The following PHYKPL variants were observed in gnomAD, a reference collection of about 807,000 sequenced individuals.
The protein encoded by PHYKPL is 5-phosphonooxy-L-lysine phospho-lyase.
PHYKPL carries 42 observed loss-of-function variants against 51.3 expected under a neutral mutation model. That is an observed-to-expected ratio of 0.82 (90% CI 0.64 to 1.06). The LOEUF is 1.06. Among genes scored for constraint, PHYKPL ranks in the 50% least tolerant of loss-of-function variants. The probability of loss-of-function intolerance (pLI) is 0.00; values close to 1 mark genes in which losing one functional copy is unlikely to be tolerated. For missense variants in PHYKPL, 655 were observed against 586.6 expected (o/e 1.12, Z -1.20); for synonymous variants, 264 against 236.0 (o/e 1.12, Z -1.09).
chr5:178,229,940 C>G lies in PHYKPL; in HGVS notation c.338G>C (p.Gly113Ala). 2 of 1,613,150 alleles carry G rather than the reference C, an allele frequency of 1.2e-6. No individual in the cohort carries two copies. Among genetic ancestry groups the G allele is most frequent in the Non-Finnish European group, 1.7e-6 (2 of 1,179,198 alleles). Residue 113 changes from glycine to alanine, a missense_variant and splice_region_variant, in exon 3 of 13, where the codon GGG (glycine) becomes GCG (alanine). By Grantham distance (60) the Gly-to-Ala change is moderately conservative (BLOSUM62 0). Coordinates refer to ENST00000308158, the MANE Select transcript of PHYKPL (RefSeq NM_153373.4). ...QLCVFYFLNSGSEANDLALRL... is the reference protein window; with the variant it reads ...QLCVFYFLNSASEANDLALRL... ...CGGGGGCTGGCCACAGTCCACTTAC[C>G]CAGAATTCAGGAAATAGAACACACA...
chr5:178,229,819 T>G, intron 3 of PHYKPL, 121 bp downstream of exon 3: 1 of 1,269,828 alleles, frequency 7.9e-7, no homozygotes, highest in African/African-American at 1.5e-5. Context: ...AGGAGCCTGG[T>G]GCAGTGGGGG....
chr5:178,230,302 A>C lies in PHYKPL; in HGVS notation c.179-203T>G, dbSNP rs1763123449. 7 of 589,744 alleles carry C rather than the reference A, an allele frequency of 1.2e-5. No individual in the cohort carries two copies. In the Admixed American group the frequency reaches 2.1e-4, roughly 18 times the overall value. 36.5% of individuals were successfully genotyped at this position (589,744 alleles called of 1,614,324 possible). ...CAGGAGTTCCTGAGATTCTGGCAGA[A>C]GGAAAGCCGCTTCAGCAGAAGAACC... On this transcript the variant is annotated intron_variant, in intron 2 of 12. Coordinates refer to ENST00000308158, the MANE Select transcript of PHYKPL (RefSeq NM_153373.4).
chr5:178,231,821 A>G, intron 1 of PHYKPL: 1 of 1,375,274 alleles, frequency 7.3e-7, no homozygotes, highest in South Asian at 1.2e-5. Context: ...GGATCCTGAG[A>G]AAAGGTGGCT....
At chr5:178,209,428 A>AGGT (rs776924287) in intron 12 of PHYKPL, 4 of 1,613,918 alleles carry the variant, frequency 2.5e-6, no homozygotes, top group East Asian at 2.2e-5. Flanking sequence ...GAGGCAGCGG[A>AGGT]GGTGGTGGTG....
At position 178,213,021 on chromosome 5, in the gene PHYKPL, G is replaced by C. The variant is rs909887029; in HGVS notation, c.1255C>G (p.Leu419Val). The change falls in exon 11 of 13, where the codon CTG becomes GTG. Residue 419 changes from leucine (L) to valine (V), a missense_variant. Physicochemically the swap from Leu to Val is conservative, Grantham distance 32. Coordinates refer to ENST00000308158, the MANE Select transcript of PHYKPL (RefSeq NM_153373.4). ...GCCACCACCTGCCGTGCATTGTCCA[G>C]GCTGAAGCACATTGGGGGCTTAAAC... The part of the protein sequence containing the change: ...LKFKPPMCFS[L>V]DNARQVVAKL... 2 of 1,614,082 alleles carry C rather than the reference G, an allele frequency of 1.2e-6. No individual in the cohort carries two copies. The highest frequency in any genetic ancestry group is 1.3e-5 in the African/African-American group (1 of 74,936).
rs369939923 is a variant in PHYKPL, at chr5:178,217,833, G to A, written c.928-2403C>T. ...AGATCACACCACTGCACTCCAGCCT[G>A]GGCGACAGAGCGAGACTCCGTCTCA... On this transcript the variant is annotated intron_variant, in intron 8 of 12. Transcript: ENST00000308158. Among the ~76,000 whole-genome samples, 3 of 150,392 alleles carry A rather than the reference G, an allele frequency of 2.0e-5. No individual in the cohort carries two copies. The East Asian group carries it at 6.0e-4, about 30-fold the overall frequency.
At chr5:178,227,847 G>A (rs1762595591) in intron 3 of PHYKPL, among the ~76,000 whole-genome samples, 1 of 152,222 alleles carries the variant, frequency 6.6e-6, no homozygotes, top group Non-Finnish European at 1.5e-5. Context: ...TGGAGATGGA[G>A]AGGTGGAGGG....
At chr5:178,207,868 C>G (rs1045232720), downstream of PHYKPL, among the ~76,000 whole-genome samples, 1 of 151,920 alleles carries the variant, frequency 6.6e-6, no homozygotes, top group African/African-American at 2.4e-5. Flanking sequence ...ATGCCTGGCT[C>G]ATATGTTTTT....
At position 178,232,523 on chromosome 5, in the gene PHYKPL, C is replaced by T; in HGVS notation, c.28G>A (p.Asp10Asn). Residue 10 changes from aspartate (D) to asparagine (N), a missense_variant, in exon 1 of 13, where the codon GAC (aspartate) becomes AAC (asparagine). Physicochemically the swap from Asp to Asn is conservative, Grantham distance 23. Transcript: ENST00000308158. MAADQRPKA[D>N]TLALRQRLIS... ...AGCCGTTGCCTCAGGGCCAGCGTGT[C>T]GGCCTTCGGGCGCTGGTCTGCGGCC... 2 of 1,282,674 alleles carry T rather than the reference C, an allele frequency of 1.6e-6. No individual in the cohort carries two copies. Among genetic ancestry groups the T allele is most frequent in the Non-Finnish European group, 2.0e-6 (2 of 1,019,848 alleles). 79.5% of individuals were successfully genotyped at this position (1,282,674 alleles called of 1,614,324 possible).
At chr5:178,208,277 C>A (rs1409611648), downstream of PHYKPL, among the ~76,000 whole-genome samples, 1 of 152,150 alleles carries the variant, frequency 6.6e-6, no homozygotes, top group East Asian at 1.9e-4. Context: ...AAGTCTCTAT[C>A]CTGGCTGGGA....
chr5:178,224,569 G>A lies in PHYKPL; in HGVS notation c.502-5C>T, dbSNP rs1298531530. On this transcript the variant is annotated splice_polypyrimidine_tract_variant and splice_region_variant and intron_variant, in intron 5 of 12. Coordinates refer to ENST00000308158, the MANE Select transcript of PHYKPL (RefSeq NM_153373.4). ...GTAGGTGTCTGGGAGAGGTGCCTGT[G>A]GGGAGTGACAGCGCCATGTTATCCG... 1 of 1,614,164 alleles carries A rather than the reference G, an allele frequency of 6.2e-7. No homozygotes were observed. The highest frequency in any genetic ancestry group is 1.7e-5 in the Admixed American group (1 of 60,026).
intron 12 of PHYKPL, 91 bp downstream of exon 12, chr5:178,211,799 T>TA (rs1216182056): frequency 4.8e-5 from 43 of 887,146 alleles, no homozygotes; most frequent in Middle Eastern, 2.8e-4. Context: ...AAAAAAGTCT[T>TA]AAAAAAAGGC....
chr5:178,225,600 C>G, intron 3 of PHYKPL, 171 bp from the exon 4 acceptor site: 4 of 627,086 alleles, frequency 6.4e-6, no homozygotes, highest in Non-Finnish European at 1.1e-5. Context: ...GTACTAGAAG[C>G]TGGGGGAAAA....
At chr5:178,230,235 G>C in intron 2 of PHYKPL, 136 bp from the exon 3 acceptor site, 2 of 1,065,990 alleles carry the variant, frequency 1.9e-6, no homozygotes, top group Admixed American at 2.3e-5. Flanking sequence ...GCAGTCTGAA[G>C]GCAGAGCAGG....
At chr5:178,215,069 G>C (rs1158860997) in intron 9 of PHYKPL, among the ~76,000 whole-genome samples, 184 bp from the exon 10 acceptor site, 2 of 152,202 alleles carry the variant, frequency 1.3e-5, no homozygotes, top group African/African-American at 4.8e-5. Context: ...GGACAGAGGA[G>C]AGAGGCTCAG....
At chr5:178,219,729 C>A (rs930086463) in intron 8 of PHYKPL, among the ~76,000 whole-genome samples, 8 of 151,882 alleles carry the variant, frequency 5.3e-5, no homozygotes, top group African/African-American at 1.9e-4. Flanking sequence ...GGATTACAGG[C>A]GTGAGCCACC....
intron 1 of PHYKPL, 28 bp from the exon 2 acceptor site, chr5:178,231,551 C>G (rs1763410688): frequency 1.2e-6 from 2 of 1,613,842 alleles, no homozygotes; most frequent in African/African-American, 1.3e-5. Flanking sequence ...GAGTGGACAG[C>G]CATGTCTGAA....
chr5:178,232,477 C>G lies in PHYKPL; in HGVS notation c.59+15G>C. ...CAGCCCCGCGCCCCCCGCCGCCCGC[C>G]CCCCGCCCGGGTACCTGATGAGCCG... On this transcript the variant is annotated intron_variant, in intron 1 of 12. Transcript: ENST00000308158. The G allele has an allele frequency of 1.0e-5, 14 of 1,367,326 alleles. No individual in the cohort carries two copies. The highest frequency in any genetic ancestry group is 1.3e-5 in the Non-Finnish European group (14 of 1,068,446). 84.7% of individuals were successfully genotyped at this position (1,367,326 alleles called of 1,614,324 possible).
At chr5:178,232,274 G>C in intron 1 of PHYKPL, 1 of 1,240,262 alleles carries the variant, frequency 8.1e-7, no homozygotes, top group South Asian at 3.0e-5. Context: ...CGCTGTCGGG[G>C]AGGCGGCCCC....
Sources: gnomAD v4.1 joint callset for allele counts (sites outside exome capture counted in the v4.1 genomes callset) on GRCh38, gnomAD v4.1.1 for gene constraint, MANE v1.5 for transcripts, NCBI Gene and HGNC (gene_info 2026-07-23, HGNC 2026-07-21) for gene names.